SOAT2: variants seen among roughly 807,000 people sequenced by gnomAD.
SOAT2 encodes the protein sterol O-acyltransferase 2.
A neutral mutation model predicts 76.0 loss-of-function variants in SOAT2; 87 were observed. The ratio of observed to expected loss-of-function variants is 1.14; its 90% CI spans 0.96 to 1.37. SOAT2 has a LOEUF of 1.37. Ranked by LOEUF, SOAT2 falls within the 40% of genes most tolerant of loss-of-function variation. The pLI, the probability that SOAT2 is intolerant of heterozygous loss-of-function variation, is 0.00. For missense variants in SOAT2, 686 were observed against 682.1 expected, an observed-to-expected ratio of 1.01 and a Z score of -0.06; for synonymous variants, 285 against 275.4, an observed-to-expected ratio of 1.03 and a Z score of -0.34.
At chr12:53,123,458 A>C (rs544711258) in intron 13 of SOAT2, among the ~76,000 whole-genome samples, 2 of 152,270 alleles carry the variant, frequency 1.3e-5, no homozygotes, top group South Asian at 4.1e-4. Flanking sequence ...GGAATATTTG[A>C]ATAGATCACT....
At position 53,124,181 on chromosome 12, in the gene SOAT2, C is replaced by G; in HGVS notation, c.*58C>G. 3 of 1,595,674 alleles carry G rather than the reference C, an allele frequency of 1.9e-6. No individual in the cohort carries two copies. Among genetic ancestry groups the G allele is most frequent in the Non-Finnish European group, 2.6e-6 (3 of 1,163,406 alleles). Reference sequence around the variant, plus strand: ...ACCACCAAGTTCTCTGCCTGCAAAACCTGGGACCAGGACTCCTGTCTGCAT... The same window carrying G: ...ACCACCAAGTTCTCTGCCTGCAAAAGCTGGGACCAGGACTCCTGTCTGCAT... On this transcript the variant is annotated 3_prime_UTR_variant, in exon 15 of 15. Coordinates refer to ENST00000301466, the MANE Select transcript of SOAT2 (RefSeq NM_003578.4).
intron 7 of SOAT2, among the ~76,000 whole-genome samples, chr12:53,116,948 C>T (rs996139526): frequency 6.7e-6 from 1 of 148,336 alleles, no homozygotes; most frequent in Admixed American, 6.8e-5. Flanking sequence ...TATTAATTGG[C>T]CCAATTTCAA....
intron 8 of SOAT2, among the ~76,000 whole-genome samples, 183 bp from the exon 9 acceptor site, chr12:53,118,707 A>AGTT (rs1238494311): frequency 6.6e-6 from 1 of 152,012 alleles, no homozygotes; most frequent in East Asian, 1.9e-4. Flanking sequence ...TCCATGCTTA[A>AGTT]AACCCACTTG....
intron 5 of SOAT2, among the ~76,000 whole-genome samples, chr12:53,115,173 G>A (rs1391000522): frequency 6.6e-6 from 1 of 152,148 alleles, no homozygotes; most frequent in African/African-American, 2.4e-5. Flanking sequence ...AATCAGAGAG[G>A]GCTCTCAAGG....
Position 53,103,553 on chromosome 12 carries a change from C to T in SOAT2, c.-25C>T, listed in dbSNP as rs1937871243. On this transcript the variant is annotated 5_prime_UTR_variant, in exon 1 of 15. Coordinates refer to ENST00000301466, the MANE Select transcript of SOAT2 (RefSeq NM_003578.4). ...AAGGAGGCAACACGGGCAAGGGCTG[C>T]CTGCTGCCCGCTGGAGACCGCACCA... 1.3e-6 allele frequency: 2 copies of T among 1,542,164 alleles called. No homozygotes were observed. The highest frequency in any genetic ancestry group is 1.4e-5 in the African/African-American group (1 of 73,138).
Position 53,123,777 on chromosome 12 carries a change from C to A in SOAT2, c.1422C>A (p.Asn474Lys). 6.2e-7 allele frequency: 1 copy of A among 1,614,188 alleles called. No individual in the cohort carries two copies. Among genetic ancestry groups the A allele is most frequent in the South Asian group, 1.1e-5 (1 of 91,078 alleles). The stretch of plus-strand genomic sequence containing the variant: ...ACCAGCGCACCGGCCCGGCATGGAA[C>A]GTGCTGATGTGGACCATGCTGTTTC... ...MHDQRTGPAW[N>K]VLMWTMLFLG... is the part of the protein sequence containing the mutation. The change falls in exon 14 of 15, where the codon AAC (asparagine) becomes AAA (lysine). Residue 474 changes from asparagine to lysine, a missense_variant. By Grantham distance (94) the Asn-to-Lys change is moderately conservative. Coordinates refer to ENST00000301466, the MANE Select transcript of SOAT2 (RefSeq NM_003578.4).
At chr12:53,123,001 G>T in intron 12 of SOAT2, 80 bp from the exon 13 acceptor site, 4 of 1,421,220 alleles carry the variant, frequency 2.8e-6, no homozygotes, top group East Asian at 5.4e-5. Context: ...GCGGCTGGCC[G>T]GGCGGGGGGC....
intron 9 of SOAT2, 51 bp downstream of exon 9, chr12:53,118,986 G>C: frequency 6.2e-6 from 10 of 1,611,918 alleles, no homozygotes; most frequent in Non-Finnish European, 8.5e-6. Context: ...TGGTGGAGAG[G>C]GGACATTTCT....
chr12:53,108,092 T>C (rs1937962928), intron 5 of SOAT2, among the ~76,000 whole-genome samples: 1 of 152,224 alleles, frequency 6.6e-6, no homozygotes, highest in Admixed American at 6.5e-5. Context: ...TGGAACTTCG[T>C]TCCATAGAAG....
chr12:53,103,708 CG>C, intron 1 of SOAT2, 49 bp downstream of exon 1: 1 of 1,388,880 alleles, frequency 7.2e-7, no homozygotes. Flanking sequence ...GGGGGGGAGG[CG>C]GGGAGAGATG....
chr12:53,115,078 A>G (rs1000013201), intron 5 of SOAT2, among the ~76,000 whole-genome samples: 1 of 152,220 alleles, frequency 6.6e-6, no homozygotes, highest in Admixed American at 6.5e-5. Context: ...GCTCCAAAGG[A>G]ATAAAACTAA....
At chr12:53,108,878 T>A (rs1051467417) in intron 5 of SOAT2, among the ~76,000 whole-genome samples, 4 of 152,194 alleles carry the variant, frequency 2.6e-5, no homozygotes, top group Non-Finnish European at 5.9e-5. Flanking sequence ...ACAAACAGTT[T>A]TAGGGTAGCC....
intron 5 of SOAT2, among the ~76,000 whole-genome samples, chr12:53,108,153 A>T (rs1311828522): frequency 6.6e-6 from 1 of 152,202 alleles, no homozygotes; most frequent in East Asian, 1.9e-4. Flanking sequence ...GATTTGTACC[A>T]ATAAATACCT....
At chr12:53,117,465 G>T (rs560111981) in intron 7 of SOAT2, among the ~76,000 whole-genome samples, 9 of 152,060 alleles carry the variant, frequency 5.9e-5, no homozygotes, top group African/African-American at 2.2e-4. Context: ...CAGAAGAGAT[G>T]GGAGAATGGC....
chr12:53,119,306 AG>A (rs1938154141), intron 10 of SOAT2, 53 bp downstream of exon 10: 2 of 1,595,108 alleles, frequency 1.3e-6, no homozygotes. Context: ...AAGGCTAATC[AG>A]GGAAGGCCTT....
chr12:53,103,603 G>C lies in SOAT2; in HGVS notation c.26G>C (p.Arg9Pro). ...ATGGAGCCAGGCGGGGCCCGTCTGC[G>C]TCTGCAGAGGACAGAAGGGCTGGGA... MEPGGARLRLQRTEGLGGE... is the reference protein window; with the variant it reads MEPGGARLPLQRTEGLGGE... Residue 9 changes from arginine to proline, a missense_variant, in exon 1 of 15, where the codon CGT becomes CCT. Arg to Pro is a moderately radical substitution (Grantham distance 103). Coordinates refer to ENST00000301466, the MANE Select transcript of SOAT2 (RefSeq NM_003578.4). 6.5e-7 allele frequency: 1 copy of C among 1,546,936 alleles called. No individual in the cohort carries two copies.
Position 53,117,253 on chromosome 12 carries a change from G to A in SOAT2, c.778+1087G>A, listed in dbSNP as rs542307425. On this transcript the variant is annotated intron_variant, in intron 7 of 14. Coordinates refer to ENST00000301466, the MANE Select transcript of SOAT2 (RefSeq NM_003578.4). The stretch of plus-strand genomic sequence containing the variant: ...TGGGATTACAGGCATGAGCCACCGC[G>A]CCCGGCCAATTTTTTTTTTTTTTTT... 2.2e-3 allele frequency among the ~76,000 whole-genome samples: 321 copies of A among 145,756 alleles called. 4 individuals carry two copies. The South Asian group carries it at 0.024, about 11-fold the overall frequency.
At chr12:53,123,935 T>TC (rs1302818079) in intron 14 of SOAT2, 62 bp downstream of exon 14, 35 of 1,608,658 alleles carry the variant, frequency 2.2e-5, no homozygotes, top group Admixed American at 3.3e-5. Context: ...CAACAGCCAG[T>TC]CCCTCCTTGT....
chr12:53,107,230 G>C (rs1937949418), intron 5 of SOAT2, among the ~76,000 whole-genome samples: 1 of 152,148 alleles, frequency 6.6e-6, no homozygotes, highest in Non-Finnish European at 1.5e-5. Flanking sequence ...GCTACTTCCT[G>C]CTGAGAGGGG....
Sources: gnomAD v4.1 joint callset for allele counts (sites outside exome capture counted in the v4.1 genomes callset) on GRCh38, gnomAD v4.1.1 for gene constraint, MANE v1.5 for transcripts, NCBI Gene and HGNC (gene_info 2026-07-23, HGNC 2026-07-21) for gene names.